Variants in PLPP4 observed in about 807,000 individuals in gnomAD.
The protein encoded by PLPP4 is phospholipid phosphatase 4.
In PLPP4, 20 loss-of-function variants were observed where a neutral mutation model predicts 32.2. The ratio of observed to expected loss-of-function variants is 0.62; its 90% CI spans 0.44 to 0.90. The LOEUF (loss-of-function observed/expected upper bound fraction) is 0.90, where lower values mean the gene tolerates loss of function less well. Ranked by LOEUF, PLPP4 falls within the 40% of genes least tolerant of loss-of-function variation. The pLI, the probability that PLPP4 is intolerant of heterozygous loss-of-function variation, is 0.00. For synonymous variants in PLPP4, 127 were observed against 133.0 expected, an observed-to-expected ratio of 0.95 and a Z score of 0.31; for missense variants, 257 against 353.1, an observed-to-expected ratio of 0.73 and a Z score of 2.18.
At chr10:120,519,923 G>T (rs11596412) in intron 4 of PLPP4, among the ~76,000 whole-genome samples, 67,350 of 152,048 alleles carry the variant, frequency 0.44, 15,735 homozygotes, top group East Asian at 0.58. Flanking sequence ...AAAGCATGGG[G>T]TGAAATGTGT....
intron 5 of PLPP4, among the ~76,000 whole-genome samples, chr10:120,557,270 A>G (rs1210366343): frequency 6.6e-6 from 1 of 152,174 alleles, no homozygotes; most frequent in Non-Finnish European, 1.5e-5. Context: ...TTGGTGTAAG[A>G]TCTGTAACAG....
intron 1 of PLPP4, 64 bp downstream of exon 1, chr10:120,457,425 T>G (rs1847837382): frequency 2.1e-6 from 3 of 1,453,026 alleles, no homozygotes. Context: ...CAAGCCTCTC[T>G]GTGCCCTAAC....
In PLPP4 at chr10:120,555,682, AATGAATGC is replaced by A. The variant is rs199654623; in HGVS notation, c.446-19441_446-19434del. Among the ~76,000 whole-genome samples the A allele has an allele frequency of 4.7e-3, 722 of 152,342 alleles. 9 individuals are homozygous for A. Among genetic ancestry groups the A allele is most frequent in the African/African-American group, 0.017 (694 of 41,582 alleles). On this transcript the variant is annotated intron_variant, in intron 5 of 6. Coordinates refer to ENST00000398250, the MANE Select transcript of PLPP4 (RefSeq NM_001030059.3). The stretch of plus-strand genomic sequence containing the variant: ...GGCGTAGTGCCTGCCTGTTTGAATG[AATGAATGC>A]ATGAATGAATGTAATTTCAAGTCTT...
intron 1 of PLPP4, among the ~76,000 whole-genome samples, chr10:120,475,296 C>T (rs569249893): frequency 5.1e-4 from 77 of 151,948 alleles, no homozygotes; most frequent in African/African-American, 1.9e-3. Flanking sequence ...TACTCAGAGC[C>T]TCCTTGTTGC....
intron 2 of PLPP4, 148 bp from the exon 3 acceptor site, chr10:120,513,762 TC>T: frequency 1.7e-6 from 1 of 580,506 alleles, no homozygotes; most frequent in South Asian, 1.7e-5. Context: ...ACATACATCA[TC>T]CTTTTTTTTT....
chr10:120,526,548 G>A (rs962496349), intron 5 of PLPP4, among the ~76,000 whole-genome samples: 1 of 152,092 alleles, frequency 6.6e-6, no homozygotes, highest in Non-Finnish European at 1.5e-5. Context: ...CTGGCATTCT[G>A]GAAGCTGTGC....
intron 1 of PLPP4, among the ~76,000 whole-genome samples, chr10:120,460,372 G>C (rs770579992): frequency 6.6e-5 from 10 of 152,258 alleles, no homozygotes; most frequent in Non-Finnish European, 1.5e-4. Flanking sequence ...AAATGCCAAG[G>C]CTAGCAACAG....
rs549324196 is a variant in PLPP4, at chr10:120,524,667, G to C, written c.445+3572G>C. Among the ~76,000 whole-genome samples the C allele has an allele frequency of 2.6e-5, 4 of 152,308 alleles. No individual in the cohort carries two copies. The South Asian group carries it at 8.3e-4, about 32-fold the overall frequency. ...TTTTGTGTCAAACTCTCAGCAAACA[G>C]CATTTCCCCATGGCAGCGTTTTTAT... On this transcript the variant is annotated intron_variant, in intron 5 of 6. Transcript: ENST00000398250.
At chr10:120,469,768 A>G (rs1374685097) in intron 1 of PLPP4, among the ~76,000 whole-genome samples, 1 of 152,196 alleles carries the variant, frequency 6.6e-6, no homozygotes, top group Non-Finnish European at 1.5e-5. Flanking sequence ...TACTGGAAAC[A>G]CATTTTATTT....
intron 6 of PLPP4, among the ~76,000 whole-genome samples, chr10:120,582,275 T>C (rs1849545845): frequency 6.6e-6 from 1 of 152,194 alleles, no homozygotes; most frequent in South Asian, 2.1e-4. Flanking sequence ...GGAGGATCCT[T>C]CTCTGCCTCT....
chr10:120,508,588 C>A (rs1845601737), intron 2 of PLPP4, among the ~76,000 whole-genome samples: 1 of 152,208 alleles, frequency 6.6e-6, no homozygotes, highest in African/African-American at 2.4e-5. Context: ...AGCGCCCCGG[C>A]AGTGTGGTGC....
chr10:120,565,591 T>C lies in PLPP4; in HGVS notation c.446-9540T>C, dbSNP rs117739785. ...TCTTTTCTTCCTTTCTGCATGTCTT[T>C]AACAACTTGCTTCTCTTTTTGTGTT... On this transcript the variant is annotated intron_variant, in intron 5 of 6. Coordinates refer to ENST00000398250, the MANE Select transcript of PLPP4 (RefSeq NM_001030059.3). Among the ~76,000 whole-genome samples, 908 of 152,314 alleles carry C rather than the reference T, an allele frequency of 6.0e-3. 4 individuals carry two copies. The highest frequency in any genetic ancestry group is 0.011 in the Non-Finnish European group (777 of 68,026).
intron 1 of PLPP4, among the ~76,000 whole-genome samples, chr10:120,500,853 A>G (rs1845213521): frequency 1.3e-5 from 2 of 152,072 alleles, no homozygotes; most frequent in African/African-American, 4.8e-5. Context: ...GATCTGTCTC[A>G]ATGTGTGTGT....
At chr10:120,570,292 G>T (rs1305338517) in intron 5 of PLPP4, among the ~76,000 whole-genome samples, 6 of 151,958 alleles carry the variant, frequency 3.9e-5, no homozygotes, top group Non-Finnish European at 7.4e-5. Flanking sequence ...TTCTGGAGAT[G>T]CACTTATATC....
intron 5 of PLPP4, 34 bp downstream of exon 5, chr10:120,521,129 C>T (rs1846137239): frequency 6.2e-7 from 1 of 1,611,510 alleles, no homozygotes; most frequent in Non-Finnish European, 8.5e-7. Flanking sequence ...TTAATGCCCC[C>T]AGTCATGTTT....
intron 1 of PLPP4, among the ~76,000 whole-genome samples, chr10:120,479,487 C>T (rs1374717833): frequency 6.6e-6 from 1 of 152,098 alleles, no homozygotes; most frequent in African/African-American, 2.4e-5. Context: ...GCATTTATTG[C>T]GATCTGAAAT....
chr10:120,488,572 T>C (rs1356345199), intron 1 of PLPP4, among the ~76,000 whole-genome samples: 1 of 152,222 alleles, frequency 6.6e-6, no homozygotes, highest in Non-Finnish European at 1.5e-5. Flanking sequence ...AGTAGCAACA[T>C]TGAAGGGCAA....
At chr10:120,494,113 G>A (rs1316020882) in intron 1 of PLPP4, among the ~76,000 whole-genome samples, 1 of 152,184 alleles carries the variant, frequency 6.6e-6, no homozygotes, top group Admixed American at 6.5e-5. Context: ...GTAGGGAGGG[G>A]AACTTGTGGT....
rs1393350406 is a variant in PLPP4 at position 120,468,384 on chromosome 10, C to T, written c.56+11023C>T. On this transcript the variant is annotated intron_variant, in intron 1 of 6. Coordinates refer to ENST00000398250, the MANE Select transcript of PLPP4 (RefSeq NM_001030059.3). Reference sequence around the variant, plus strand: ...GTAGTTATTTGTTTACTTGAGAAGACATTTATAACAATTGTTAAGTGATAA... The same window carrying T: ...GTAGTTATTTGTTTACTTGAGAAGATATTTATAACAATTGTTAAGTGATAA... Among the ~76,000 whole-genome samples the T allele has an allele frequency of 3.1e-5, 2 of 65,118 alleles. 1 individual carries two copies. The highest frequency in any genetic ancestry group is 8.9e-5 in the Non-Finnish European group (2 of 22,374). The allele number at this position is 65,118 out of a possible 152,430, so 42.7% of individuals were successfully genotyped here.
Sources: gnomAD v4.1 joint callset for allele counts (sites outside exome capture counted in the v4.1 genomes callset) on GRCh38, gnomAD v4.1.1 for gene constraint, MANE v1.5 for transcripts, NCBI Gene and HGNC (gene_info 2026-07-23, HGNC 2026-07-21) for gene names.